PSD3: variants seen among roughly 807,000 people sequenced by gnomAD.
PSD3 encodes PH and SEC7 domain-containing protein 3.
PSD3 carries 49 observed loss-of-function variants against 105.5 expected under a neutral mutation model. The ratio of observed to expected loss-of-function variants is 0.46; its 90% CI spans 0.37 to 0.59. The LOEUF (loss-of-function observed/expected upper bound fraction) is 0.59, where lower values mean the gene tolerates loss of function less well. Ranked by LOEUF, PSD3 falls within the 20% of genes least tolerant of loss-of-function variation. PSD3 has a pLI of 0.00. For synonymous variants in PSD3, 557 were observed against 457.8 expected, an observed-to-expected ratio of 1.22 and a Z score of -2.77; for missense variants, 1,561 against 1,263.8, an observed-to-expected ratio of 1.24 and a Z score of -3.57.
chr8:18,572,095 C>G (rs1802178738), intron 14 of PSD3, among the ~76,000 whole-genome samples: 1 of 152,120 alleles, frequency 6.6e-6, no homozygotes, highest in African/African-American at 2.4e-5. Flanking sequence ...AGGCCATTTC[C>G]CATTGTAATA....
intron 9 of PSD3, chr8:18,763,088 G>C (rs1338116041): frequency 2.1e-6 from 1 of 467,188 alleles, no homozygotes; most frequent in South Asian, 1.5e-5. Flanking sequence ...TGGAACAACA[G>C]ACATTCAAGT....
At chr8:19,024,687 C>A (rs1249532012) in intron 1 of PSD3, among the ~76,000 whole-genome samples, 1 of 152,096 alleles carries the variant, frequency 6.6e-6, no homozygotes. Context: ...TTCAGCCACA[C>A]AACCGACCTC....
In PSD3 at chr8:18,916,043, C is replaced by T. The variant is rs542699660; in HGVS notation, c.130+19991G>A. 4.0e-5 allele frequency among the ~76,000 whole-genome samples: 6 copies of T among 151,874 alleles called. No homozygotes were observed. The South Asian group carries it at 6.2e-4, about 16-fold the overall frequency. Reference sequence around the variant, plus strand: ...CCCAGGAGGCGGAGGTTGCAGTGAGCGGAGATCGTGCCATTGCACTCCAGC... The same window carrying T: ...CCCAGGAGGCGGAGGTTGCAGTGAGTGGAGATCGTGCCATTGCACTCCAGC... On this transcript the variant is annotated intron_variant, in intron 2 of 15. Transcript: ENST00000327040.
At chr8:18,571,943 A>G (rs1354334331) in intron 14 of PSD3, among the ~76,000 whole-genome samples, 2 of 152,196 alleles carry the variant, frequency 1.3e-5, no homozygotes, top group Non-Finnish European at 2.9e-5. Context: ...AGGACATGAT[A>G]AAATATGGCT....
chr8:18,712,619 T>C (rs1802324272), intron 9 of PSD3, among the ~76,000 whole-genome samples: 2 of 152,102 alleles, frequency 1.3e-5, no homozygotes, highest in South Asian at 4.1e-4. Context: ...TGAGTTCTGA[T>C]ATTGAGGCAG....
At chr8:18,904,891 T>C (rs895632045) in intron 2 of PSD3, among the ~76,000 whole-genome samples, 1 of 152,254 alleles carries the variant, frequency 6.6e-6, no homozygotes, top group Non-Finnish European at 1.5e-5. Flanking sequence ...CCAAGGGCCA[T>C]AGTTTGCCAA....
At chr8:18,935,434 G>C (rs913002794) in intron 2 of PSD3, among the ~76,000 whole-genome samples, 7 of 151,412 alleles carry the variant, frequency 4.6e-5, no homozygotes, top group African/African-American at 1.5e-4. Flanking sequence ...TCAGTGTTTT[G>C]TGGGGCCGAG....
At chr8:18,595,225 A>G (rs1233969991) in intron 12 of PSD3, among the ~76,000 whole-genome samples, 1 of 129,692 alleles carries the variant, frequency 7.7e-6, no homozygotes, top group South Asian at 2.5e-4. Flanking sequence ...AAACAAACAA[A>G]CAAAAAAAAC....
chr8:19,015,887 C>A (rs1827164663), upstream of PSD3, among the ~76,000 whole-genome samples: 1 of 152,158 alleles, frequency 6.6e-6, no homozygotes, highest in Non-Finnish European at 1.5e-5. Flanking sequence ...GGTTTTATCC[C>A]TGAAGCCAAA....
At chr8:18,734,455 C>A (rs1333007764) in intron 9 of PSD3, 1 of 152,072 alleles carries the variant, frequency 6.6e-6, no homozygotes, top group Non-Finnish European at 1.5e-5. Context: ...TTTGTTGTCA[C>A]AAGATGATGG....
intron 10 of PSD3, among the ~76,000 whole-genome samples, 166 bp downstream of exon 10, chr8:18,655,476 A>G (rs1808821496): frequency 6.6e-6 from 1 of 152,184 alleles, no homozygotes; most frequent in Non-Finnish European, 1.5e-5. Flanking sequence ...TTTTACTTGT[A>G]TCTGGGTTTA....
chr8:19,045,650 T>C (rs533254569), intron 1 of PSD3, among the ~76,000 whole-genome samples: 37 of 152,302 alleles, frequency 2.4e-4, no homozygotes, highest in African/African-American at 8.2e-4. Context: ...TATCCCTTAC[T>C]TCAGGAACAC....
chr8:18,657,734 T>G (rs1412766695), intron 9 of PSD3, among the ~76,000 whole-genome samples: 1 of 152,176 alleles, frequency 6.6e-6, no homozygotes, highest in African/African-American at 2.4e-5. Context: ...ATTACTTGCA[T>G]GAGCCATTTT....
At position 18,853,324 on chromosome 8, in the gene PSD3, C is replaced by T. The variant is rs146595693; in HGVS notation, c.1634+14350G>A. On this transcript the variant is annotated intron_variant, in intron 4 of 15. Transcript: ENST00000327040. ...TACACCTGTTATAATCATTGACTAC[C>T]CTGGAAGATCAAGCCCTGGAGTTCT... Among the ~76,000 whole-genome samples, 220 of 152,214 alleles carry T rather than the reference C, an allele frequency of 1.4e-3. 1 individual carries two copies. The highest frequency in any genetic ancestry group is 4.7e-3 in the African/African-American group (196 of 41,514).
At chr8:18,576,354 C>A (rs1439063587) in intron 12 of PSD3, among the ~76,000 whole-genome samples, 2 of 152,078 alleles carry the variant, frequency 1.3e-5, no homozygotes, top group African/African-American at 4.8e-5. Context: ...GGGATTGCAA[C>A]AAGTCTTACT....
intron 4 of PSD3, among the ~76,000 whole-genome samples, chr8:18,857,416 C>T (rs1297867837): frequency 1.3e-5 from 2 of 152,136 alleles, no homozygotes; most frequent in Non-Finnish European, 2.9e-5. Flanking sequence ...TAGTCTGAGG[C>T]CCACACCTGG....
intron 2 of PSD3, among the ~76,000 whole-genome samples, chr8:18,892,172 C>A (rs564973551): frequency 1.9e-5 from 2 of 102,976 alleles, no homozygotes; most frequent in African/African-American, 8.3e-5. Flanking sequence ...CACTTACTTA[C>A]AATCACACAC....
At chr8:18,828,780 G>A (rs1813435739) in intron 4 of PSD3, among the ~76,000 whole-genome samples, 1 of 151,922 alleles carries the variant, frequency 6.6e-6, no homozygotes, top group Non-Finnish European at 1.5e-5. Flanking sequence ...GGCCAACATG[G>A]CAAAACCCTG....
chr8:18,616,095 T>A (rs1406057627), intron 11 of PSD3, among the ~76,000 whole-genome samples: 1 of 152,238 alleles, frequency 6.6e-6, no homozygotes, highest in Non-Finnish European at 1.5e-5. Context: ...TGATAGGTGT[T>A]CCTGGCCCTC....
Sources: allele counts gnomAD v4.1 joint callset (sites outside exome capture counted in the v4.1 genomes callset), GRCh38; gene constraint gnomAD v4.1.1; transcripts MANE v1.5; gene names NCBI Gene and HGNC (gene_info 2026-07-23, HGNC 2026-07-21).